MCUR1: variants seen among roughly 807,000 people sequenced by gnomAD.
MCUR1 encodes the protein MCU regulator 1.
Under a neutral mutation model 42.0 loss-of-function variants are expected in MCUR1, and 37 were observed. The ratio of observed to expected loss-of-function variants is 0.88; its 90% CI spans 0.68 to 1.16. MCUR1 has a LOEUF of 1.16. MCUR1 is among the 50% of genes most tolerant of loss of function. The pLI, the probability that MCUR1 is intolerant of heterozygous loss-of-function variation, is 0.00. For missense variants in MCUR1, 469 were observed against 468.4 expected, an observed-to-expected ratio of 1.00 and a Z score of -0.01; for synonymous variants, 229 against 196.2, an observed-to-expected ratio of 1.17 and a Z score of -1.40.
intron 2 of MCUR1, among the ~76,000 whole-genome samples, chr6:13,806,418 T>C (rs147722879): frequency 6.6e-6 from 1 of 152,232 alleles, no homozygotes; most frequent in African/African-American, 2.4e-5. Context: ...ATAGGAATCA[T>C]TCCTCAGCTT....
rs1440865430 is a variant in MCUR1 at position 13,814,547 on chromosome 6, C to G, written c.-118G>C. The G allele has an allele frequency of 1.8e-6, 2 of 1,137,712 alleles. No individual in the cohort carries two copies. The highest frequency in any genetic ancestry group is 2.2e-6 in the Non-Finnish European group (2 of 904,090). The allele number at this position is 1,137,712 out of a possible 1,614,324, so 70.5% of individuals were successfully genotyped here. Reference sequence around the variant, plus strand: ...GCGAGCGTGGGCCACAGCGCAGGACCGCCCTTTCCTGCCGGGCGCGCGGGC... The same window carrying G: ...GCGAGCGTGGGCCACAGCGCAGGACGGCCCTTTCCTGCCGGGCGCGCGGGC... On this transcript the variant is annotated 5_prime_UTR_variant, in exon 1 of 9. Transcript: ENST00000379170.
intron 1 of MCUR1, 150 bp downstream of exon 1, chr6:13,813,865 C>CGGAA: frequency 1.2e-6 from 1 of 853,978 alleles, no homozygotes; most frequent in Non-Finnish European, 1.5e-6. Context: ...CCCGGACCTT[C>CGGAA]GACCCACGCT....
intron 6 of MCUR1, 27 bp from the exon 7 acceptor site, chr6:13,793,974 G>T (rs373588554): frequency 6.2e-7 from 1 of 1,606,442 alleles, no homozygotes; most frequent in South Asian, 1.1e-5. Flanking sequence ...ACATGGGTCA[G>T]ATTCTGATCT....
intron 6 of MCUR1, among the ~76,000 whole-genome samples, chr6:13,794,875 G>A (rs11961150): frequency 0.023 from 3,474 of 152,164 alleles, 117 homozygotes; most frequent in African/African-American, 0.078. Context: ...AAAGTATCTC[G>A]CCTTTTGGCT....
chr6:13,792,927 C>A (rs1050594149), intron 7 of MCUR1, among the ~76,000 whole-genome samples: 2 of 151,864 alleles, frequency 1.3e-5, no homozygotes. Flanking sequence ...AAGACTTCTC[C>A]ATTCCTCACT....
rs1759625461 is a variant in MCUR1 at position 13,787,317 on chromosome 6, T to C, written c.*3492A>G. 1 of 152,230 alleles carries C rather than the reference T, an allele frequency of 6.6e-6. No individual in the cohort carries two copies. Among genetic ancestry groups the C allele is most frequent in the Non-Finnish European group, 1.5e-5 (1 of 68,036 alleles). 9.4% of individuals were successfully genotyped at this position (152,230 alleles called of 1,614,324 possible). A position where few individuals can be genotyped will look rare whatever the true frequency, so the allele number is the denominator to read the frequency against. On this transcript the variant is annotated 3_prime_UTR_variant, in exon 9 of 9. Coordinates refer to ENST00000379170, the MANE Select transcript of MCUR1 (RefSeq NM_001031713.4). ...CAGAGACGAATTCCAGCAAGACTTCTGGTTTGAGTCAAGCCTTTCAACCGA... is the reference window on the plus strand; with the variant it reads ...CAGAGACGAATTCCAGCAAGACTTCCGGTTTGAGTCAAGCCTTTCAACCGA...
At chr6:13,803,852 G>A in intron 2 of MCUR1, 1 of 985,342 alleles carries the variant, frequency 1.0e-6, no homozygotes, top group Non-Finnish European at 1.2e-6. Flanking sequence ...GAGTTCACTG[G>A]CTGGGTGTGG....
Position 13,801,276 on chromosome 6 carries a change from G to C in MCUR1, c.741+12C>G. The C allele has an allele frequency of 6.5e-7, 1 of 1,542,778 alleles. No homozygotes were observed. Among genetic ancestry groups the C allele is most frequent in the East Asian group, 2.2e-5 (1 of 44,480 alleles). Reference sequence around the variant, plus strand: ...ATAATCAACTTTCTAAGTGTGAGAGGCTCTGTTTTACCTCATTTTCTGCTC... The same window carrying C: ...ATAATCAACTTTCTAAGTGTGAGAGCCTCTGTTTTACCTCATTTTCTGCTC... On this transcript the variant is annotated intron_variant, in intron 4 of 8. Coordinates refer to ENST00000379170, the MANE Select transcript of MCUR1 (RefSeq NM_001031713.4).
chr6:13,808,507 A>G (rs1410576848), intron 1 of MCUR1, among the ~76,000 whole-genome samples: 3 of 151,796 alleles, frequency 2.0e-5, no homozygotes, highest in African/African-American at 7.2e-5. Flanking sequence ...ATGAAGTCCA[A>G]TTGATCTGTT....
intron 1 of MCUR1, among the ~76,000 whole-genome samples, chr6:13,813,744 G>A (rs560391430): frequency 1.3e-5 from 2 of 152,232 alleles, no homozygotes; most frequent in Admixed American, 1.3e-4. Context: ...GGAGTGGGCG[G>A]GCACCAACTC....
At chr6:13,798,254 C>T (rs1045053195) in intron 6 of MCUR1, among the ~76,000 whole-genome samples, 3 of 151,390 alleles carry the variant, frequency 2.0e-5, no homozygotes, top group African/African-American at 7.3e-5. Flanking sequence ...CGCCACCATG[C>T]CCGGCTTATT....
rs750123158 is a variant in MCUR1, at chr6:13,792,008, G to T, written c.910-16C>A. On this transcript the variant is annotated splice_polypyrimidine_tract_variant and intron_variant, in intron 7 of 8. Coordinates refer to ENST00000379170, the MANE Select transcript of MCUR1 (RefSeq NM_001031713.4). ...GCTGGGCATGCTTTTAAAATGAAGA[G>T]AGTCACAGCGTTAGACCACAGCACG... 6.3e-7 allele frequency: 1 copy of T among 1,594,776 alleles called. No individual in the cohort carries two copies. The highest frequency in any genetic ancestry group is 1.1e-5 in the South Asian group (1 of 90,676).
At chr6:13,795,535 C>CT (rs1275459615) in intron 6 of MCUR1, among the ~76,000 whole-genome samples, 1 of 152,202 alleles carries the variant, frequency 6.6e-6, no homozygotes, top group Non-Finnish European at 1.5e-5. Flanking sequence ...AGCCAGAAAA[C>CT]TCATCTTCAC....
chr6:13,790,807 T>C lies in MCUR1; in HGVS notation c.*2A>G, dbSNP rs201758285. On this transcript the variant is annotated 3_prime_UTR_variant, in exon 9 of 9. Coordinates refer to ENST00000379170, the MANE Select transcript of MCUR1 (RefSeq NM_001031713.4). ...TAGAAATCACTTTAAATAGACACTT[T>C]ATTAGATCCACAGGCGATAAAATCC... 2 of 1,609,892 alleles carry C rather than the reference T, an allele frequency of 1.2e-6. No homozygotes were observed. Among genetic ancestry groups the C allele is most frequent in the African/African-American group, 2.7e-5 (2 of 74,738 alleles).
rs1424684935 is a variant in MCUR1 at position 13,786,972 on chromosome 6, A to C, written c.*3837T>G. 1 of 152,210 alleles carries C rather than the reference A, an allele frequency of 6.6e-6. No homozygotes were observed. The highest frequency in any genetic ancestry group is 2.4e-5 in the African/African-American group (1 of 41,454). The allele number at this position is 152,210 out of a possible 1,614,324, so 9.4% of individuals were successfully genotyped here. ...GTTAACATGTTTTTGCCTTAGTGCCAAAAAAGCCAGAACAAATTTGATAAG... is the reference window on the plus strand; with the variant it reads ...GTTAACATGTTTTTGCCTTAGTGCCCAAAAAGCCAGAACAAATTTGATAAG... On this transcript the variant is annotated 3_prime_UTR_variant, in exon 9 of 9. Transcript: ENST00000379170.
chr6:13,792,036 C>A, intron 7 of MCUR1, 44 bp from the exon 8 acceptor site: 1 of 1,460,780 alleles, frequency 6.8e-7, no homozygotes, highest in Non-Finnish European at 9.6e-7. Flanking sequence ...ACAGCACGTC[C>A]CCTCTGCTCA....
In MCUR1 at chr6:13,814,498, C is replaced by A; in HGVS notation, c.-69G>T. ...CTTTTGGCGCCGGCCACGCGCGGTC[C>A]AGGCCCAGAGTCCGACAGCGGGAGC... is the stretch of plus-strand genomic sequence containing the variant. On this transcript the variant is annotated 5_prime_UTR_variant, in exon 1 of 9. Transcript: ENST00000379170. 7.3e-7 allele frequency: 1 copy of A among 1,377,040 alleles called. No individual in the cohort carries two copies. Among genetic ancestry groups the A allele is most frequent in the Non-Finnish European group, 9.3e-7 (1 of 1,070,196 alleles). 85.3% of individuals were successfully genotyped at this position (1,377,040 alleles called of 1,614,324 possible). A position where few individuals can be genotyped will look rare whatever the true frequency, so the allele number is the denominator to read the frequency against.
intron 2 of MCUR1, chr6:13,804,179 C>A: frequency 4.2e-6 from 1 of 240,216 alleles, no homozygotes; most frequent in Non-Finnish European, 8.6e-6. Flanking sequence ...AAAAATTATC[C>A]AGGTGTGGTG....
At chr6:13,801,457 G>T in intron 3 of MCUR1, 68 bp from the exon 4 acceptor site, 2 of 1,054,992 alleles carry the variant, frequency 1.9e-6, no homozygotes, top group Non-Finnish European at 2.9e-6. Context: ...TCATCTCAAT[G>T]TGCTATCTTC....
Sources: allele counts gnomAD v4.1 joint callset (sites outside exome capture counted in the v4.1 genomes callset), GRCh38; gene constraint gnomAD v4.1.1; transcripts MANE v1.5; gene names NCBI Gene and HGNC (gene_info 2026-07-23, HGNC 2026-07-21).